Variants in HTT-AS observed in about 807,000 individuals in gnomAD.
The protein encoded by HTT-AS is HTT antisense RNA.
chr4:3,061,938 C>T (rs1304516783), intron 2 of HTT-AS, among the ~76,000 whole-genome samples: 1 of 138,668 alleles, frequency 7.2e-6, no homozygotes. Context: ...GCCGAGATCA[C>T]ACCACTGCAC....
exon 3 of HTT-AS, among the ~76,000 whole-genome samples, chr4:3,049,440 A>G (rs1407861061): frequency 6.6e-6 from 1 of 152,234 alleles, no homozygotes; most frequent in South Asian, 2.1e-4. Context: ...AGAAAAAAAA[A>G]AGAGAGTCTC....
intron 1 of HTT-AS, among the ~76,000 whole-genome samples, chr4:3,074,143 C>T (rs1407937858): frequency 7.5e-6 from 1 of 133,704 alleles, no homozygotes; most frequent in Non-Finnish European, 1.6e-5. Context: ...CCTCACCGGC[C>T]AGTCCCCTCC....
At chr4:3,047,168 G>A (rs55955897), downstream of HTT-AS, among the ~76,000 whole-genome samples, 4,035 of 152,066 alleles carry the variant, frequency 0.027, 173 homozygotes, top group African/African-American at 0.093. Flanking sequence ...AAAATTAGCC[G>A]GGCGTGGTGG....
At chr4:3,064,603 T>C (rs1366379145) in intron 1 of HTT-AS, among the ~76,000 whole-genome samples, 2 of 152,100 alleles carry the variant, frequency 1.3e-5, no homozygotes, top group Non-Finnish European at 2.9e-5. Context: ...TTATCAAAAC[T>C]AACCACAAGT....
chr4:3,073,944 C>T (rs1334212481), intron 1 of HTT-AS, among the ~76,000 whole-genome samples: 1 of 152,164 alleles, frequency 6.6e-6, no homozygotes, highest in Non-Finnish European at 1.5e-5. Flanking sequence ...GCTGTCGCCC[C>T]GCTCCAGGCG....
upstream of HTT-AS, chr4:3,074,589 G>A: frequency 4.9e-6 from 2 of 408,550 alleles, no homozygotes; most frequent in Non-Finnish European, 8.4e-6. Context: ...GCAGGCTAGG[G>A]CTGTCAATCA....
downstream of HTT-AS, among the ~76,000 whole-genome samples, chr4:3,046,876 ATAATTT>A (rs1439237146): frequency 6.6e-6 from 1 of 152,222 alleles, no homozygotes; most frequent in African/African-American, 2.4e-5. Context: ...ATGGCCTCCC[ATAATTT>A]TATTTTAATA....
At chr4:3,071,436 A>G (rs61090955) in intron 1 of HTT-AS, among the ~76,000 whole-genome samples, 12,976 of 152,096 alleles carry the variant, frequency 0.085, 850 homozygotes, top group African/African-American at 0.18. Flanking sequence ...CCTTTCTAGA[A>G]GTACTACTCA....
chr4:3,048,812 C>T (rs1164206190), downstream of HTT-AS, among the ~76,000 whole-genome samples: 2 of 152,200 alleles, frequency 1.3e-5, no homozygotes, highest in Admixed American at 6.5e-5. Flanking sequence ...GCCTCTTTTA[C>T]TCTAAACCAT....
At chr4:3,074,614 G>A, upstream of HTT-AS, 1 of 419,720 alleles carries the variant, frequency 2.4e-6, no homozygotes, top group Non-Finnish European at 4.0e-6. Flanking sequence ...GGCCGGCGTG[G>A]CCCCGCCTCC....
chr4:3,055,473 C>T (rs1711789676), intron 2 of HTT-AS, among the ~76,000 whole-genome samples: 1 of 152,152 alleles, frequency 6.6e-6, no homozygotes, highest in South Asian at 2.1e-4. Context: ...AGCCTATCTC[C>T]TTTGGATTGC....
intron 1 of HTT-AS, among the ~76,000 whole-genome samples, chr4:3,074,006 C>A (rs1712296010): frequency 6.6e-6 from 1 of 151,752 alleles, no homozygotes; most frequent in East Asian, 2.0e-4. Flanking sequence ...GGCGCCCCCT[C>A]CACGGCCCCG....
intron 1 of HTT-AS, among the ~76,000 whole-genome samples, chr4:3,067,188 G>A (rs766598972): frequency 1.6e-4 from 25 of 152,186 alleles, no homozygotes; most frequent in Non-Finnish European, 3.1e-4. Context: ...CCCAGAATAA[G>A]GCACTGAGAG....
chr4:3,072,974 G>T lies in HTT-AS; in HGVS notation n.113+1452C>A, dbSNP rs187490343. On this transcript the variant is annotated intron_variant and non_coding_transcript_variant, in intron 1 of 2. Coordinates refer to ENST00000664062, the Ensembl canonical transcript of HTT-AS. ...CAGTGTCGCTCTATCACCCAAGCTG[G>T]AGTGCAGTGGTGCAATCCTAGCTCA... is the stretch of plus-strand genomic sequence containing the variant. 4.5e-4 allele frequency among the ~76,000 whole-genome samples: 69 copies of T among 152,324 alleles called. 1 individual carries two copies. The highest frequency in any genetic ancestry group is 6.8e-3 in the Middle Eastern group (2 of 294).
At chr4:3,049,893 A>T (rs1711666975) in intron 2 of HTT-AS, among the ~76,000 whole-genome samples, 1 of 148,900 alleles carries the variant, frequency 6.7e-6, no homozygotes, top group African/African-American at 2.5e-5. Flanking sequence ...CTATTTTAGC[A>T]ATTTGTAAGT....
At chr4:3,057,726 C>T (rs984490301) in intron 2 of HTT-AS, among the ~76,000 whole-genome samples, 4 of 151,742 alleles carry the variant, frequency 2.6e-5, no homozygotes, top group African/African-American at 2.4e-5. Context: ...CTCCGCCTCC[C>T]GGGTTCATGC....
chr4:3,046,339 GAC>G (rs751337285), downstream of HTT-AS, among the ~76,000 whole-genome samples: 1 of 152,150 alleles, frequency 6.6e-6, no homozygotes, highest in African/African-American at 2.4e-5. Flanking sequence ...GCCTTATTTG[GAC>G]ACAGTTTGAA....
chr4:3,060,002 A>G (rs888707918), intron 2 of HTT-AS, among the ~76,000 whole-genome samples: 4 of 148,678 alleles, frequency 2.7e-5, no homozygotes, highest in African/African-American at 1.0e-4. Context: ...GCTCACTGCA[A>G]CCTCTGTCTC....
intron 2 of HTT-AS, among the ~76,000 whole-genome samples, chr4:3,061,541 G>A (rs889562673): frequency 3.9e-5 from 6 of 152,060 alleles, no homozygotes; most frequent in African/African-American, 7.2e-5. Context: ...AATTAGCTGG[G>A]CGTGGTGGCG....
Sources: gnomAD v4.1 joint callset for allele counts (sites outside exome capture counted in the v4.1 genomes callset) on GRCh38, gnomAD v4.1.1 for gene constraint, MANE v1.5 for transcripts, NCBI Gene and HGNC (gene_info 2026-07-23, HGNC 2026-07-21) for gene names.